Variants in CDK10 observed in about 807,000 individuals in gnomAD.
CDK10 encodes the protein cyclin-dependent kinase 10.
A neutral mutation model predicts 51.0 loss-of-function variants in CDK10; 55 were observed. That is an observed-to-expected ratio of 1.08 (90% CI 0.87 to 1.35). The LOEUF is 1.35. Among genes scored for constraint, CDK10 ranks in the 40% most tolerant of loss-of-function variants. The probability of loss-of-function intolerance (pLI) is 0.00; values close to 1 mark genes in which losing one functional copy is unlikely to be tolerated. For synonymous variants in CDK10, 255 were observed against 199.1 expected, an observed-to-expected ratio of 1.28 and a Z score of -2.36; for missense variants, 589 against 485.1, an observed-to-expected ratio of 1.21 and a Z score of -2.01.
rs773033679 is a variant in CDK10 at position 89,686,725 on chromosome 16, T to C, written c.15T>C (p.Asp5=). The change falls in exon 1 of 13, where the codon GAT becomes GAC. Residue 5 remains aspartate (D), a synonymous_variant. Transcript: ENST00000353379. MAEP[D]LECEQIRLKC... ...CAGCGCTCGGCATGGCGGAGCCAGATCTGGAGTGCGAGCAGATCCGTCTGA... is the reference window on the plus strand; with the variant it reads ...CAGCGCTCGGCATGGCGGAGCCAGACCTGGAGTGCGAGCAGATCCGTCTGA... 2.5e-6 allele frequency: 4 copies of C among 1,608,076 alleles called. No individual in the cohort carries two copies. Among genetic ancestry groups the C allele is most frequent in the South Asian group, 2.2e-5 (2 of 90,186 alleles).
rs1597872657 is a variant in CDK10, at chr16:89,694,667, C to T, written c.671C>T (p.Ala224Val). ...TTQTTSIDMW[A>V]VGCILAELLA... ...GTGAGGTCCACTGTTCTCTGCAGGG[C>T]TGTGGGCTGCATACTGGCCGAGCTG... Residue 224 changes from alanine (A) to valine (V), a missense_variant and splice_region_variant, in exon 10 of 13, where the codon GCT becomes GTT. Transcript: ENST00000353379. 1.3e-6 allele frequency: 2 copies of T among 1,588,678 alleles called. No individual in the cohort carries two copies. The highest frequency in any genetic ancestry group is 2.3e-5 in the South Asian group (2 of 87,294).
At chr16:89,693,641 C>A in intron 8 of CDK10, 174 bp downstream of exon 8, 1 of 643,272 alleles carries the variant, frequency 1.6e-6, no homozygotes, top group Non-Finnish European at 2.7e-6. Context: ...AGGGCTGTGC[C>A]ACAAAATGGT....
intron 1 of CDK10, among the ~76,000 whole-genome samples, chr16:89,688,310 C>G (rs1436278085): frequency 2.0e-5 from 3 of 151,974 alleles, no homozygotes; most frequent in Non-Finnish European, 4.4e-5. Context: ...TCTAGATCTC[C>G]TGACTTCGTG....
chr16:89,692,573 T>C, intron 6 of CDK10, 57 bp downstream of exon 6: 1 of 1,317,572 alleles, frequency 7.6e-7, no homozygotes, highest in Non-Finnish European at 1.1e-6. Flanking sequence ...CTAACTCTGC[T>C]GCCCCTGTGG....
rs777973709 is a variant in CDK10 at position 89,686,710 on chromosome 16, C to T, written c.-1C>T. ...CAAGAGAGGCGGGGCCAGCGCTCGG[C>T]ATGGCGGAGCCAGATCTGGAGTGCG... On this transcript the variant is annotated 5_prime_UTR_variant, in exon 1 of 13. Transcript: ENST00000353379. 52 of 1,593,472 alleles carry T rather than the reference C, an allele frequency of 3.3e-5. No individual in the cohort carries two copies. Among genetic ancestry groups the T allele is most frequent in the African/African-American group, 1.9e-4 (14 of 74,328 alleles).
chr16:89,688,798 T>C (rs2060315774), intron 1 of CDK10, among the ~76,000 whole-genome samples: 1 of 152,142 alleles, frequency 6.6e-6, no homozygotes, highest in Admixed American at 6.5e-5. Context: ...CACCACCTTT[T>C]CTCATCAGAA....
chr16:89,692,408 T>C lies in CDK10; in HGVS notation c.418-41T>C, dbSNP rs532418914. ...GTGGCAGGGCCCAGCTGGGCTTCCCTGCAGGCTCACCCTGACTGGTACCTC... is the reference window on the plus strand; with the variant it reads ...GTGGCAGGGCCCAGCTGGGCTTCCCCGCAGGCTCACCCTGACTGGTACCTC... On this transcript the variant is annotated intron_variant, in intron 5 of 12. Transcript: ENST00000353379. 30 of 1,474,316 alleles carry C rather than the reference T, an allele frequency of 2.0e-5. 1 individual carries two copies. In the African/African-American group the frequency reaches 3.8e-4, roughly 18 times the overall value. The allele number at this position is 1,474,316 out of a possible 1,614,324, so 91.3% of individuals were successfully genotyped here.
chr16:89,693,542 C>T lies in CDK10; in HGVS notation c.608+75C>T, dbSNP rs371915073. 2.3e-5 allele frequency: 34 copies of T among 1,455,920 alleles called. No homozygotes were observed. In the African/African-American group the frequency reaches 3.1e-4, roughly 13 times the overall value. 90.2% of individuals were successfully genotyped at this position (1,455,920 alleles called of 1,614,324 possible). On this transcript the variant is annotated intron_variant, in intron 8 of 12. Coordinates refer to ENST00000353379, the MANE Select transcript of CDK10 (RefSeq NM_052988.5). ...GGAGGTCTCCTTGGGGATGTCAGGCCGAAGCTGCAACTGGCCTTGGGAATG... is the reference window on the plus strand; with the variant it reads ...GGAGGTCTCCTTGGGGATGTCAGGCTGAAGCTGCAACTGGCCTTGGGAATG...
At chr16:89,687,120 C>T in intron 1 of CDK10, 1 of 235,882 alleles carries the variant, frequency 4.2e-6, no homozygotes, top group Non-Finnish European at 8.2e-6. Context: ...CTGGGCTTTG[C>T]AGGCTGAGCC....
rs1459008757 is a variant in CDK10, at chr16:89,686,792, C to T, written c.82C>T (p.His28Tyr). ...GGGCTTCTTCACGGTGCCTCCGGAA[C>T]ACAGGGTGCGCGGGGTGCCACCCGG... ...KEGFFTVPPE[H>Y]RLGRCRSVKE... The change falls in exon 1 of 13, where the codon CAC becomes TAC. Residue 28 changes from histidine to tyrosine, a missense_variant. His to Tyr is a moderately conservative substitution (Grantham distance 83). Coordinates refer to ENST00000353379, the MANE Select transcript of CDK10 (RefSeq NM_052988.5). The T allele has an allele frequency of 1.9e-6, 3 of 1,610,770 alleles. No individual in the cohort carries two copies. The highest frequency in any genetic ancestry group is 1.1e-5 in the South Asian group (1 of 90,768).
chr16:89,693,599 CGTT>C, intron 8 of CDK10, 132 bp downstream of exon 8: 1 of 886,840 alleles, frequency 1.1e-6, no homozygotes, highest in Non-Finnish European at 1.8e-6. Context: ...CACTCAGAAA[CGTT>C]GGGTCTAGGA....
chr16:89,687,493 C>G (rs771413658), intron 1 of CDK10: 6 of 456,106 alleles, frequency 1.3e-5, no homozygotes, highest in African/African-American at 4.0e-5. Flanking sequence ...CTCATCCAGA[C>G]GTGCAGCAGG....
Position 89,695,747 on chromosome 16 carries a change from T to C in CDK10, c.*55T>C. ...ACACCAGGTCTTCCGATCAGTGGTG[T>C]CTGTGAAGGGTGCCGCGAGCCAGGC... On this transcript the variant is annotated 3_prime_UTR_variant, in exon 13 of 13. Coordinates refer to ENST00000353379, the MANE Select transcript of CDK10 (RefSeq NM_052988.5). The C allele has an allele frequency of 6.3e-7, 1 of 1,590,822 alleles. No homozygotes were observed. Among genetic ancestry groups the C allele is most frequent in the East Asian group, 2.3e-5 (1 of 44,018 alleles).
At chr16:89,693,196 A>G in intron 6 of CDK10, 78 bp from the exon 7 acceptor site, 1 of 1,274,476 alleles carries the variant, frequency 7.8e-7, no homozygotes, top group South Asian at 1.2e-5. Flanking sequence ...CAGGAAGTCT[A>G]CGGGCATTGG....
At chr16:89,691,960 A>G in intron 5 of CDK10, 73 bp downstream of exon 5, 2 of 1,298,086 alleles carry the variant, frequency 1.5e-6, no homozygotes, top group Non-Finnish European at 2.2e-6. Context: ...ATAACGAAAC[A>G]GGGCACTTGG....
chr16:89,695,037 T>C lies in CDK10; in HGVS notation c.899T>C (p.Leu300Pro). The stretch of plus-strand genomic sequence containing the variant: ...CTGTCGGAGGCCGGGCTGCGCCTGC[T>C]GCACTTCCTGTTCATGTACGACCCT... ...PWLSEAGLRL[L>P]HFLFMYDPKK... The change falls in exon 11 of 13, where the codon CTG becomes CCG. Residue 300 changes from leucine (L) to proline (P), a missense_variant. Leu to Pro is a moderately conservative substitution (Grantham distance 98, BLOSUM62 -3). Coordinates refer to ENST00000353379, the MANE Select transcript of CDK10 (RefSeq NM_052988.5). The C allele has an allele frequency of 6.2e-7, 1 of 1,613,206 alleles. No homozygotes were observed. Among genetic ancestry groups the C allele is most frequent in the Non-Finnish European group, 8.5e-7 (1 of 1,180,010 alleles).
At chr16:89,687,481 T>C (rs1368480605) in intron 1 of CDK10, 4 of 456,242 alleles carry the variant, frequency 8.8e-6, no homozygotes, top group South Asian at 1.5e-5. Context: ...AGCCACACTT[T>C]ACTCATCCAG....
intron 6 of CDK10, chr16:89,692,765 C>T: frequency 2.6e-6 from 1 of 377,708 alleles, no homozygotes; most frequent in Non-Finnish European, 4.7e-6. Context: ...AGGTGGGAGC[C>T]ACCACACCCA....
intron 3 of CDK10, 81 bp downstream of exon 3, chr16:89,690,705 G>A (rs1222862648): frequency 2.4e-6 from 3 of 1,226,680 alleles, no homozygotes; most frequent in Non-Finnish European, 2.4e-6. Flanking sequence ...TCCTCAGAGC[G>A]ACTGCACGGT....
Sources: gnomAD v4.1 joint callset for allele counts (sites outside exome capture counted in the v4.1 genomes callset) on GRCh38, gnomAD v4.1.1 for gene constraint, MANE v1.5 for transcripts, NCBI Gene and HGNC (gene_info 2026-07-23, HGNC 2026-07-21) for gene names.